EFCAB6: variants seen among roughly 807,000 people sequenced by gnomAD.
EFCAB6 encodes the protein EF-hand calcium-binding domain-containing protein 6.
In EFCAB6, 156 loss-of-function variants were observed where a neutral mutation model predicts 169.8. That is an observed-to-expected ratio of 0.92 (90% CI 0.81 to 1.05). EFCAB6 has a LOEUF of 1.05. Among genes scored for constraint, EFCAB6 ranks in the 50% least tolerant of loss-of-function variants. The pLI is 0.00. For missense variants in EFCAB6, 1,800 were observed against 1,829.1 expected, an observed-to-expected ratio of 0.98 and a Z score of 0.29; for synonymous variants, 698 against 676.4, an observed-to-expected ratio of 1.03 and a Z score of -0.50.
chr22:43,571,374 T>G (rs2049863037), intron 26 of EFCAB6, among the ~76,000 whole-genome samples: 1 of 152,208 alleles, frequency 6.6e-6, no homozygotes, highest in African/African-American at 2.4e-5. Flanking sequence ...CTTAATTACA[T>G]TTTGGTAATC....
rs983076141 is a variant in EFCAB6, at chr22:43,571,069, C to T, written c.3420+5228G>A. Reference sequence around the variant, plus strand: ...AGCCACACAGCAGGGGCAGGAAGCCCGCGGCCCTTGCTGTGAGAAGAGCTC... The same window carrying T: ...AGCCACACAGCAGGGGCAGGAAGCCTGCGGCCCTTGCTGTGAGAAGAGCTC... On this transcript the variant is annotated intron_variant, in intron 26 of 31. Coordinates refer to ENST00000262726, the MANE Select transcript of EFCAB6 (RefSeq NM_022785.4). Among the ~76,000 whole-genome samples, 4 of 152,200 alleles carry T rather than the reference C, an allele frequency of 2.6e-5. No individual in the cohort carries two copies. In the South Asian group the frequency reaches 6.2e-4, roughly 24 times the overall value.
intron 17 of EFCAB6, 56 bp downstream of exon 17, chr22:43,667,048 T>C: frequency 1.9e-6 from 3 of 1,568,136 alleles, no homozygotes; most frequent in Non-Finnish European, 2.6e-6. Flanking sequence ...TATGTTAGTA[T>C]AAGAAAACAG....
intron 27 of EFCAB6, among the ~76,000 whole-genome samples, chr22:43,544,194 C>T (rs953390095): frequency 6.6e-5 from 10 of 152,144 alleles, no homozygotes; most frequent in Non-Finnish European, 1.5e-4. Flanking sequence ...AACCCCTCTG[C>T]ACCATTTCCT....
chr22:43,626,816 CTT>C (rs2054560237), intron 19 of EFCAB6, 137 bp from the exon 20 acceptor site: 1 of 736,282 alleles, frequency 1.4e-6, no homozygotes, highest in East Asian at 2.7e-5. Context: ...CTTTTAGAGA[CTT>C]GGCTGTTCCA....
At chr22:43,686,511 T>C (rs2058199919) in intron 11 of EFCAB6, among the ~76,000 whole-genome samples, 1 of 152,194 alleles carries the variant, frequency 6.6e-6, no homozygotes, top group African/African-American at 2.4e-5. Context: ...AATAAAACTT[T>C]AAGTTTAATT....
chr22:43,593,698 A>C (rs961758874), intron 23 of EFCAB6, among the ~76,000 whole-genome samples: 1 of 152,174 alleles, frequency 6.6e-6, no homozygotes, highest in Non-Finnish European at 1.5e-5. Context: ...TGTCCTTGGC[A>C]TTCTCAGTTC....
intron 20 of EFCAB6, among the ~76,000 whole-genome samples, chr22:43,618,212 AAGAAAGAAAGAG>A: frequency 7.4e-6 from 1 of 135,712 alleles, no homozygotes. Flanking sequence ...GAAAGAAAGA[AAGAAAGAAAGAG>A]AAAGAAAGAA....
chr22:43,698,514 T>C (rs182518830), intron 10 of EFCAB6, among the ~76,000 whole-genome samples: 1 of 152,306 alleles, frequency 6.6e-6, no homozygotes, highest in Admixed American at 6.5e-5. Flanking sequence ...GGTGTGGCAA[T>C]GGTCTCAGAC....
chr22:43,686,352 A>G (rs967733392), intron 11 of EFCAB6, among the ~76,000 whole-genome samples: 15 of 152,072 alleles, frequency 9.9e-5, no homozygotes, highest in Admixed American at 7.9e-4. Flanking sequence ...AACCTTAAGG[A>G]TGATGGCATT....
chr22:43,647,197 G>A, intron 17 of EFCAB6, among the ~76,000 whole-genome samples: 1 of 137,576 alleles, frequency 7.3e-6, no homozygotes, highest in African/African-American at 2.7e-5. Flanking sequence ...GTGGGGGTGG[G>A]GGTGGGGGAT....
rs528092126 is a variant in EFCAB6 at position 43,736,769 on chromosome 22, A to G, written c.508-776T>C. On this transcript the variant is annotated intron_variant, in intron 6 of 31. Transcript: ENST00000262726. ...GGAAGCCTTTCAACCCCTCTGAAGG[A>G]GGTACCATTTCCCCAGTGTTAGATA... Among the ~76,000 whole-genome samples the G allele has an allele frequency of 1.1e-4, 16 of 152,202 alleles. No homozygotes were observed. In the South Asian group the frequency reaches 1.7e-3, roughly 16 times the overall value.
intron 26 of EFCAB6, among the ~76,000 whole-genome samples, chr22:43,566,129 A>C (rs1377760551): frequency 6.6e-6 from 1 of 152,194 alleles, no homozygotes; most frequent in African/African-American, 2.4e-5. Flanking sequence ...TGGCCTCCGA[A>C]GGGCTCAGCA....
At chr22:43,656,678 A>T (rs1409381160) in intron 17 of EFCAB6, among the ~76,000 whole-genome samples, 2 of 152,252 alleles carry the variant, frequency 1.3e-5, no homozygotes, top group African/African-American at 4.8e-5. Flanking sequence ...GCAATAGGTT[A>T]TACCACATAG....
intron 8 of EFCAB6, among the ~76,000 whole-genome samples, chr22:43,727,618 A>G (rs572018416): frequency 1.3e-5 from 2 of 152,334 alleles, no homozygotes; most frequent in East Asian, 3.9e-4. Flanking sequence ...GCAATATAAC[A>G]AAGGATAGGA....
chr22:43,772,990 C>T lies in EFCAB6; in HGVS notation c.253G>A (p.Gly85Ser), dbSNP rs777652139. The T allele has an allele frequency of 6.8e-6, 11 of 1,614,202 alleles. No homozygotes were observed. Among genetic ancestry groups the T allele is most frequent in the South Asian group, 1.1e-5 (1 of 91,084 alleles). ...LQKAFQLLDT[G>S]QNLTVSKSEL... ...CTTTTTGACACAGTCAAGTTCTGAC[C>T]AGTATCCAGCAGCTGAAAGGCTTTT... Residue 85 changes from glycine (G) to serine (S), a missense_variant, in exon 4 of 32, where the codon GGT becomes AGT. Physicochemically the swap from Gly to Ser is moderately conservative, Grantham distance 56. Coordinates refer to ENST00000262726, the MANE Select transcript of EFCAB6 (RefSeq NM_022785.4).
intron 9 of EFCAB6, among the ~76,000 whole-genome samples, chr22:43,715,340 A>G (rs763103088): frequency 3.3e-5 from 5 of 152,072 alleles, no homozygotes; most frequent in Admixed American, 6.5e-5. Context: ...CATTTAACCT[A>G]TTCATGCCTC....
At chr22:43,703,861 T>C (rs1458322306) in intron 10 of EFCAB6, among the ~76,000 whole-genome samples, 1 of 151,826 alleles carries the variant, frequency 6.6e-6, no homozygotes, top group African/African-American at 2.4e-5. Flanking sequence ...AGAAAACCTA[T>C]GGGAATTATG....
chr22:43,678,040 C>T lies in EFCAB6; in HGVS notation c.1375G>A (p.Val459Ile). The change falls in exon 13 of 32, where the codon GTC (valine) becomes ATC (isoleucine). Residue 459 changes from valine (V) to isoleucine (I), a missense_variant. Physicochemically the swap from Val to Ile is conservative, Grantham distance 29 (BLOSUM62 3). Coordinates refer to ENST00000262726, the MANE Select transcript of EFCAB6 (RefSeq NM_022785.4). ...AGATCAATAAACATGCTGGTGTTGA[C>T]CACTCCAGTGTCCCCAGGGTCAAGC... The part of the protein sequence containing the change: ...QMLDPGDTGV[V>I]NTSMFIDLIE... 2 of 1,614,052 alleles carry T rather than the reference C, an allele frequency of 1.2e-6. No homozygotes were observed. The highest frequency in any genetic ancestry group is 1.1e-5 in the South Asian group (1 of 91,072).
At chr22:43,805,785 A>G (rs2062895654) in intron 2 of EFCAB6, among the ~76,000 whole-genome samples, 1 of 152,238 alleles carries the variant, frequency 6.6e-6, no homozygotes, top group African/African-American at 2.4e-5. Context: ...TTTACAAATT[A>G]TATGAATGTA....
Sources: gnomAD v4.1 joint callset for allele counts (sites outside exome capture counted in the v4.1 genomes callset) on GRCh38, gnomAD v4.1.1 for gene constraint, MANE v1.5 for transcripts, NCBI Gene and HGNC (gene_info 2026-07-23, HGNC 2026-07-21) for gene names.